The following VPS13B variants were observed in gnomAD, a reference collection of about 807,000 sequenced individuals.
The protein encoded by VPS13B is vacuolar protein sorting 13 homolog B, also known as intermembrane lipid transfer protein VPS13B.
VPS13B carries 285 observed loss-of-function variants against 426.4 expected under a neutral mutation model. The ratio of observed to expected loss-of-function variants is 0.67; its 90% CI spans 0.61 to 0.74. The LOEUF (loss-of-function observed/expected upper bound fraction) is 0.74, where lower values mean the gene tolerates loss of function less well. Ranked by LOEUF, VPS13B falls within the 30% of genes least tolerant of loss-of-function variation. VPS13B has a pLI of 0.00. For synonymous variants in VPS13B, 1,676 were observed against 1,676.4 expected, an observed-to-expected ratio of 1.00 and a Z score of 0.01; for missense variants, 4,537 against 4,782.6, an observed-to-expected ratio of 0.95 and a Z score of 1.51.
chr8:99,861,295 C>T (rs78248893), intron 57 of VPS13B, among the ~76,000 whole-genome samples: 3,084 of 152,218 alleles, frequency 0.02, 112 homozygotes, highest in African/African-American at 0.071. Context: ...TTTTCTTTTT[C>T]ATTTTATTGT....
At position 99,692,793 on chromosome 8, in the gene VPS13B, G is replaced by A. The variant is rs944025208; in HGVS notation, c.6047-6732G>A. Among the ~76,000 whole-genome samples the A allele has an allele frequency of 6.1e-4, 90 of 147,648 alleles. 1 individual carries two copies. The highest frequency in any genetic ancestry group is 1.9e-3 in the African/African-American group (76 of 39,022). Reference sequence around the variant, plus strand: ...AAAGGATCAACAAAATTGATAGACCGCTAGCAAGACTTATAAAGAAAAAAA... The same window carrying A: ...AAAGGATCAACAAAATTGATAGACCACTAGCAAGACTTATAAAGAAAAAAA... On this transcript the variant is annotated intron_variant, in intron 35 of 61. Transcript: ENST00000357162.
At chr8:99,186,120 T>G (rs1223080647) in intron 16 of VPS13B, among the ~76,000 whole-genome samples, 4 of 152,140 alleles carry the variant, frequency 2.6e-5, no homozygotes, top group Non-Finnish European at 5.9e-5. Flanking sequence ...GAACATATGT[T>G]CAGACTAAGA....
At chr8:99,852,527 A>G (rs565303431) in intron 55 of VPS13B, among the ~76,000 whole-genome samples, 67 of 152,180 alleles carry the variant, frequency 4.4e-4, no homozygotes, top group Non-Finnish European at 7.8e-4. Context: ...AGGAAAGAAA[A>G]GTATTTCCAG....
intron 28 of VPS13B, among the ~76,000 whole-genome samples, chr8:99,508,876 C>T (rs182697761): frequency 8.0e-5 from 12 of 150,468 alleles, no homozygotes; most frequent in African/African-American, 2.9e-4. Context: ...CACTTTTTGC[C>T]TTATGTTAAG....
At chr8:99,759,246 C>T (rs1476313628) in intron 39 of VPS13B, among the ~76,000 whole-genome samples, 3 of 152,152 alleles carry the variant, frequency 2.0e-5, no homozygotes, top group Non-Finnish European at 4.4e-5. Context: ...TTGTCATCAT[C>T]CACAACTGCT....
chr8:99,026,722 T>C (rs1052070029), intron 2 of VPS13B, among the ~76,000 whole-genome samples: 1 of 152,196 alleles, frequency 6.6e-6, no homozygotes, highest in African/African-American at 2.4e-5. Context: ...CTTATATAGT[T>C]TGTGACTTAA....
At chr8:99,433,345 T>C (rs1018277371) in intron 22 of VPS13B, among the ~76,000 whole-genome samples, 2 of 152,202 alleles carry the variant, frequency 1.3e-5, no homozygotes, top group Non-Finnish European at 2.9e-5. Context: ...GTTACTGTCC[T>C]TTTGAGAAAA....
intron 2 of VPS13B, among the ~76,000 whole-genome samples, chr8:99,033,817 A>G (rs1563495890): frequency 2.0e-5 from 3 of 151,702 alleles, no homozygotes; most frequent in Admixed American, 6.6e-5. Context: ...AATCATTTGA[A>G]CCCGGGAGGC....
At chr8:99,621,538 T>C (rs1588558780) in intron 33 of VPS13B, among the ~76,000 whole-genome samples, 1 of 152,216 alleles carries the variant, frequency 6.6e-6, no homozygotes, top group South Asian at 2.1e-4. Flanking sequence ...TCTTCACTGC[T>C]TAATTGCTTT....
At chr8:99,710,801 C>A (rs936772119) in intron 36 of VPS13B, among the ~76,000 whole-genome samples, 1 of 147,128 alleles carries the variant, frequency 6.8e-6, no homozygotes, top group Admixed American at 6.9e-5. Context: ...ACCAGCCTGA[C>A]CAATGTGGTG....
chr8:99,841,319 T>G (rs1815669669), intron 54 of VPS13B, among the ~76,000 whole-genome samples: 1 of 152,198 alleles, frequency 6.6e-6, no homozygotes, highest in African/African-American at 2.4e-5. Flanking sequence ...AATCTGTGCT[T>G]CTGCCTACCC....
At chr8:99,278,518 A>G (rs1318581783) in intron 19 of VPS13B, among the ~76,000 whole-genome samples, 1 of 152,246 alleles carries the variant, frequency 6.6e-6, no homozygotes, top group Non-Finnish European at 1.5e-5. Flanking sequence ...TGTGTCTTGC[A>G]GAGGAGGAAA....
chr8:99,236,574 T>G (rs376775800), intron 17 of VPS13B, among the ~76,000 whole-genome samples: 2 of 152,190 alleles, frequency 1.3e-5, no homozygotes, highest in South Asian at 4.1e-4. Context: ...TGATGTAATC[T>G]CTAAGCTCTC....
intron 36 of VPS13B, among the ~76,000 whole-genome samples, chr8:99,706,835 G>A (rs1441338394): frequency 6.6e-6 from 1 of 152,064 alleles, no homozygotes; most frequent in Non-Finnish European, 1.5e-5. Context: ...CAAGGACTGT[G>A]GAAAAATAAA....
intron 20 of VPS13B, among the ~76,000 whole-genome samples, chr8:99,390,939 C>T (rs1814409619): frequency 6.6e-6 from 1 of 152,134 alleles, no homozygotes; most frequent in South Asian, 2.1e-4. Flanking sequence ...AATAGAGGAT[C>T]ATAATATTTT....
At chr8:99,359,301 G>A (rs1812366056) in intron 19 of VPS13B, among the ~76,000 whole-genome samples, 1 of 151,808 alleles carries the variant, frequency 6.6e-6, no homozygotes, top group Non-Finnish European at 1.5e-5. Flanking sequence ...TTAGAGTTTT[G>A]TACTTTGAAC....
intron 39 of VPS13B, among the ~76,000 whole-genome samples, chr8:99,747,737 T>C (rs1810168496): frequency 6.6e-6 from 1 of 152,136 alleles, no homozygotes; most frequent in African/African-American, 2.4e-5. Flanking sequence ...GCCATTCATT[T>C]TAATTGCATA....
chr8:99,657,169 A>T (rs1440406441), intron 34 of VPS13B, among the ~76,000 whole-genome samples: 1 of 151,560 alleles, frequency 6.6e-6, no homozygotes, highest in Non-Finnish European at 1.5e-5. Context: ...CCCAGAGTAG[A>T]CTCCTAAGCT....
intron 17 of VPS13B, among the ~76,000 whole-genome samples, chr8:99,266,285 G>A (rs1358627112): frequency 6.6e-6 from 1 of 151,940 alleles, no homozygotes; most frequent in East Asian, 1.9e-4. Context: ...TAGAGTACAT[G>A]CCTGTAGTCC....
Sources: allele counts gnomAD v4.1 joint callset (sites outside exome capture counted in the v4.1 genomes callset), GRCh38; gene constraint gnomAD v4.1.1; transcripts MANE v1.5; gene names NCBI Gene and HGNC (gene_info 2026-07-23, HGNC 2026-07-21).